Variants in GSE1 observed in about 807,000 individuals in gnomAD.
GSE1 encodes genetic suppressor element 1.
In GSE1, 32 loss-of-function variants were observed where a neutral mutation model predicts 112.6. That is an observed-to-expected ratio of 0.28 (90% CI 0.21 to 0.38). The LOEUF is 0.38. Among genes scored for constraint, GSE1 ranks in the 10% least tolerant of loss-of-function variants. The probability of loss-of-function intolerance (pLI) is 1.00; values close to 1 mark genes in which losing one functional copy is unlikely to be tolerated. For synonymous variants in GSE1, 1,115 were observed against 735.6 expected, an observed-to-expected ratio of 1.52 and a Z score of -8.35; for missense variants, 2,348 against 1,699.2, an observed-to-expected ratio of 1.38 and a Z score of -6.71.
intron 2 of GSE1, among the ~76,000 whole-genome samples, chr16:85,401,971 T>A (rs2048124663): frequency 6.6e-6 from 1 of 152,224 alleles, no homozygotes; most frequent in Non-Finnish European, 1.5e-5. Context: ...TGCAGCTCAG[T>A]GTCTGGAGCT....
intron 1 of GSE1, among the ~76,000 whole-genome samples, chr16:85,284,139 GC>G (rs1206168504): frequency 6.6e-6 from 1 of 152,188 alleles, no homozygotes; most frequent in Admixed American, 6.5e-5. Context: ...CTTTCAAGAT[GC>G]CCCCGGCCCA....
At chr16:85,611,249 C>T (rs555469224), upstream of GSE1, among the ~76,000 whole-genome samples, 1 of 152,030 alleles carries the variant, frequency 6.6e-6, no homozygotes, top group African/African-American at 2.4e-5. Context: ...CCATTCCTTC[C>T]TAACACCTCC....
chr16:85,465,908 C>G (rs191684144), intron 2 of GSE1, among the ~76,000 whole-genome samples: 364 of 152,356 alleles, frequency 2.4e-3, no homozygotes, highest in African/African-American at 5.6e-3. Flanking sequence ...CACTTCCCAG[C>G]TATTCAGTGA....
In GSE1 at chr16:85,373,573, G is replaced by A. The variant is rs78228087; in HGVS notation, c.2464+15930G>A. On this transcript the variant is annotated intron_variant, in intron 2 of 2. Coordinates refer to the GSE1 transcript ENST00000637419. This position sits in a 1 kb window ranked among gnomAD's most constrained non-coding sequence, Gnocchi z 5.1. The stretch of plus-strand genomic sequence containing the variant: ...GGGCACTGTGTATAGCAGGGATTCA[G>A]TGACCGCATCGCTACTATGTGTCCT... 1.0e-3 allele frequency among the ~76,000 whole-genome samples: 157 copies of A among 152,258 alleles called. No individual in the cohort carries two copies. The highest frequency in any genetic ancestry group is 3.5e-3 in the African/African-American group (147 of 41,550).
intron 1 of GSE1, among the ~76,000 whole-genome samples, chr16:85,275,556 G>A (rs556217812): frequency 6.6e-6 from 1 of 152,226 alleles, no homozygotes; most frequent in South Asian, 2.1e-4. Context: ...AGATTCCGGA[G>A]CTAGCACCCA....
chr16:85,309,300 C>T (rs2045765322), intron 1 of GSE1, among the ~76,000 whole-genome samples: 1 of 152,030 alleles, frequency 6.6e-6, no homozygotes, highest in African/African-American at 2.4e-5. Context: ...AGTTTGAGAA[C>T]AGCCTGGACA....
At chr16:85,560,636 A>G (rs1357328641) in intron 1 of GSE1, among the ~76,000 whole-genome samples, 1 of 152,000 alleles carries the variant, frequency 6.6e-6, no homozygotes, top group African/African-American at 2.4e-5. Flanking sequence ...TGTGGCCTCC[A>G]CCTTCCTGCA....
chr16:85,302,044 C>A (rs2966864), intron 1 of GSE1, among the ~76,000 whole-genome samples: 23,616 of 152,210 alleles, frequency 0.16, 2,608 homozygotes, highest in African/African-American at 0.31. Context: ...ACCTCCCTCC[C>A]CGGCTGAGCT....
chr16:85,398,334 G>T (rs2048014938), intron 2 of GSE1, among the ~76,000 whole-genome samples: 1 of 152,152 alleles, frequency 6.6e-6, no homozygotes, highest in Non-Finnish European at 1.5e-5. Context: ...GGGTCGCAGA[G>T]CTCCCAGGGG....
chr16:85,499,175 C>T (rs999145466), intron 2 of GSE1, among the ~76,000 whole-genome samples: 3 of 151,896 alleles, frequency 2.0e-5, no homozygotes, highest in African/African-American at 7.3e-5. Context: ...CTGGGAGTGG[C>T]TTCTGAGGCC....
At chr16:85,632,526 G>A (rs1264707992) in intron 1 of GSE1, among the ~76,000 whole-genome samples, 1 of 152,190 alleles carries the variant, frequency 6.6e-6, no homozygotes, top group East Asian at 1.9e-4. Context: ...GACAAAGGAG[G>A]TCTTGAGGGG....
intron 3 of GSE1, among the ~76,000 whole-genome samples, chr16:85,653,523 C>G (rs1337616615): frequency 2.6e-5 from 4 of 151,238 alleles, no homozygotes; most frequent in Non-Finnish European, 4.4e-5. Context: ...GGAGAAGACC[C>G]CTCATCTGAG....
chr16:85,628,614 C>T (rs1013542780), intron 1 of GSE1, among the ~76,000 whole-genome samples: 6 of 152,182 alleles, frequency 3.9e-5, no homozygotes, highest in African/African-American at 7.2e-5. Flanking sequence ...CCAGTTCCCT[C>T]CACCTCTGCC....
In GSE1 at chr16:85,668,065, G is replaced by A. The variant is rs138312242; in HGVS notation, c.3131-75G>A. 1,027 of 1,145,034 alleles carry A rather than the reference G, an allele frequency of 9.0e-4. 6 individuals carry two copies. The African/African-American group carries it at 0.014, about 16-fold the overall frequency. 70.9% of individuals were successfully genotyped at this position (1,145,034 alleles called of 1,614,324 possible). On this transcript the variant is annotated intron_variant, in intron 13 of 15. Coordinates refer to ENST00000253458, the MANE Select transcript of GSE1 (RefSeq NM_014615.5). Reference sequence around the variant, plus strand: ...ATGTTGACTCTGCACCAAGGGCAGAGCAGAGCTCCCTTCTGAGACAGCACC... The same window carrying A: ...ATGTTGACTCTGCACCAAGGGCAGAACAGAGCTCCCTTCTGAGACAGCACC...
chr16:85,259,736 T>C (rs563541973), intron 1 of GSE1, among the ~76,000 whole-genome samples: 2 of 152,268 alleles, frequency 1.3e-5, no homozygotes, highest in South Asian at 2.1e-4. Context: ...CACCACCTGC[T>C]CTCTGCTTCC....
chr16:85,624,529 G>A (rs1473798313), intron 1 of GSE1, among the ~76,000 whole-genome samples: 1 of 152,234 alleles, frequency 6.6e-6, no homozygotes, highest in African/African-American at 2.4e-5. Context: ...CAGGGTGAGA[G>A]CTGCCACAGG....
chr16:85,370,990 C>T (rs1190311768), intron 2 of GSE1, among the ~76,000 whole-genome samples: 1 of 152,218 alleles, frequency 6.6e-6, no homozygotes, highest in East Asian at 1.9e-4. Flanking sequence ...GGGCCTGCGC[C>T]CGGCGGTGGC....
At chr16:85,634,629 C>A (rs1388175820) in intron 2 of GSE1, among the ~76,000 whole-genome samples, 3 of 152,112 alleles carry the variant, frequency 2.0e-5, no homozygotes, top group Non-Finnish European at 2.9e-5. Flanking sequence ...GCTCAACTCC[C>A]TGAGGCAGAG....
At chr16:85,426,068 T>TGGAA (rs397932891) in intron 2 of GSE1, among the ~76,000 whole-genome samples, 1 of 129,362 alleles carries the variant, frequency 7.7e-6, no homozygotes. Flanking sequence ...GATGGATGGA[T>TGGAA]GGATGGGTAG....
Sources: allele counts gnomAD v4.1 joint callset (sites outside exome capture counted in the v4.1 genomes callset), GRCh38; gene constraint gnomAD v4.1.1; non-coding constraint Gnocchi (gnomAD v3.1); transcripts MANE v1.5; gene names NCBI Gene and HGNC (gene_info 2026-07-23, HGNC 2026-07-21).